The following ZMIZ1 variants were observed in gnomAD, a reference collection of about 807,000 sequenced individuals.
The protein encoded by ZMIZ1 is zinc finger MIZ-type containing 1.
A neutral mutation model predicts 113.9 loss-of-function variants in ZMIZ1; 17 were observed. The observed-to-expected ratio is 0.15, with a 90% CI of 0.10 to 0.22. The LOEUF is 0.22. Ranked by LOEUF, ZMIZ1 falls within the 10% of genes least tolerant of loss-of-function variation. The probability of loss-of-function intolerance (pLI) is 1.00; values close to 1 mark genes in which losing one functional copy is unlikely to be tolerated. For missense variants in ZMIZ1, 1,059 were observed against 1,477.8 expected (o/e 0.72, Z 4.65); for synonymous variants, 607 against 603.1 (o/e 1.01, Z -0.09).
chr10:79,195,712 G>A (rs1847805112), intron 4 of ZMIZ1, among the ~76,000 whole-genome samples: 1 of 152,208 alleles, frequency 6.6e-6, no homozygotes, highest in African/African-American at 2.4e-5. Context: ...CAGGTTGGGT[G>A]GAACAAGAAG....
chr10:79,162,322 C>G (rs1156643817), intron 4 of ZMIZ1, among the ~76,000 whole-genome samples, 189 bp downstream of exon 4: 6 of 152,326 alleles, frequency 3.9e-5, no homozygotes, highest in Admixed American at 2.0e-4. Context: ...TACCTGGCAC[C>G]CAGGGACCTC....
At chr10:79,216,821 A>T (rs1372653163) in intron 7 of ZMIZ1, among the ~76,000 whole-genome samples, 1 of 152,336 alleles carries the variant, frequency 6.6e-6, no homozygotes. Context: ...GAATCAGTAC[A>T]CTCAGGGTTC....
At chr10:79,292,682 T>C (rs1417000250) in intron 11 of ZMIZ1, 14 of 482,892 alleles carry the variant, frequency 2.9e-5, no homozygotes, top group South Asian at 2.2e-4. Flanking sequence ...CACCAAGGAG[T>C]GGGCTCAATG....
At chr10:79,219,991 G>A (rs895917162) in intron 7 of ZMIZ1, among the ~76,000 whole-genome samples, 4 of 152,150 alleles carry the variant, frequency 2.6e-5, no homozygotes, top group Admixed American at 1.3e-4. Context: ...TCTACCTGGC[G>A]GTTTTATTTG....
At chr10:79,233,301 T>C (rs1192628043) in intron 7 of ZMIZ1, among the ~76,000 whole-genome samples, 2 of 152,248 alleles carry the variant, frequency 1.3e-5, no homozygotes, top group South Asian at 2.1e-4. Context: ...CAGGCTGTTA[T>C]AGCAAAATAC....
chr10:79,268,455 A>T (rs1195870101), intron 7 of ZMIZ1, among the ~76,000 whole-genome samples: 2 of 152,164 alleles, frequency 1.3e-5, no homozygotes, highest in Non-Finnish European at 2.9e-5. Flanking sequence ...CTGGTCACAG[A>T]TGCTGCTCCA....
intron 8 of ZMIZ1, among the ~76,000 whole-genome samples, chr10:79,278,423 A>G (rs991546318): frequency 2.0e-5 from 3 of 150,424 alleles, no homozygotes; most frequent in Non-Finnish European, 3.0e-5. Context: ...TATTATTATT[A>G]TTTTAATTCT....
intron 1 of ZMIZ1, among the ~76,000 whole-genome samples, chr10:79,092,473 G>A (rs546777921): frequency 9.8e-5 from 15 of 152,364 alleles, no homozygotes; most frequent in Admixed American, 2.0e-4. Context: ...CTCGCTGCAC[G>A]CAGTGTGGCT....
intron 2 of ZMIZ1, among the ~76,000 whole-genome samples, chr10:79,134,574 C>T (rs1473500105): frequency 6.6e-6 from 1 of 152,214 alleles, no homozygotes; most frequent in Non-Finnish European, 1.5e-5. Context: ...CTGGGCTTTG[C>T]CCCACGGCAC....
chr10:79,229,927 A>G (rs529946294), intron 7 of ZMIZ1, among the ~76,000 whole-genome samples: 4 of 152,274 alleles, frequency 2.6e-5, no homozygotes, highest in Admixed American at 2.6e-4. Context: ...TTGACTTACA[A>G]CAGCCCGCAA....
chr10:79,251,505 A>T (rs1850554437), intron 7 of ZMIZ1, among the ~76,000 whole-genome samples: 1 of 151,778 alleles, frequency 6.6e-6, no homozygotes, highest in African/African-American at 2.4e-5. Context: ...AGCCCAGCCT[A>T]TCCAGACACT....
chr10:79,208,564 G>A lies in ZMIZ1; in HGVS notation c.174+115G>A, dbSNP rs1564526301. 12 of 850,684 alleles carry A rather than the reference G, an allele frequency of 1.4e-5. 1 individual carries two copies. Among genetic ancestry groups the A allele is most frequent in the Non-Finnish European group, 2.2e-5 (12 of 547,990 alleles). 52.7% of individuals were successfully genotyped at this position (850,684 alleles called of 1,614,324 possible). On this transcript the variant is annotated intron_variant, in intron 6 of 24. Transcript: ENST00000334512. ...ACATTGGGAGGTGACACCAGTGAGA[G>A]AGCTGGGAAGACACTGGTGCTGGGG...
intron 7 of ZMIZ1, among the ~76,000 whole-genome samples, chr10:79,258,493 G>A (rs1278323488): frequency 6.6e-6 from 1 of 152,264 alleles, no homozygotes; most frequent in Non-Finnish European, 1.5e-5. Context: ...TGTGGCCCCT[G>A]CCTCCTGTTT....
At chr10:79,084,176 A>G (rs1842738680) in intron 1 of ZMIZ1, among the ~76,000 whole-genome samples, 1 of 152,220 alleles carries the variant, frequency 6.6e-6, no homozygotes, top group Non-Finnish European at 1.5e-5. Flanking sequence ...TTAAGAGCCC[A>G]GCTCAAAAGC....
At position 79,267,088 on chromosome 10, in the gene ZMIZ1, G is replaced by A. The variant is rs111556840; in HGVS notation, c.281-10093G>A. Among the ~76,000 whole-genome samples the A allele has an allele frequency of 3.3e-3, 496 of 152,348 alleles. 1 individual carries two copies. Among genetic ancestry groups the A allele is most frequent in the African/African-American group, 0.012 (480 of 41,582 alleles). On this transcript the variant is annotated intron_variant, in intron 7 of 24. Transcript: ENST00000334512. ...ACCCACACACTCCAGAGGAGGAAGG[G>A]GTCTGCCTAGACCAGCCTCCTGGCA...
intron 7 of ZMIZ1, among the ~76,000 whole-genome samples, chr10:79,223,500 G>T (rs1453691074): frequency 6.6e-6 from 1 of 152,238 alleles, no homozygotes; most frequent in East Asian, 1.9e-4. Context: ...CCGGTCAGGT[G>T]CCCCTACAAG....
chr10:79,202,699 C>T (rs1848153788), intron 5 of ZMIZ1, among the ~76,000 whole-genome samples: 1 of 152,240 alleles, frequency 6.6e-6, no homozygotes, highest in Non-Finnish European at 1.5e-5. Context: ...CAGGGGCGCC[C>T]CCAAGCGGTG....
chr10:79,227,109 A>G (rs1849228088), intron 7 of ZMIZ1, among the ~76,000 whole-genome samples: 1 of 152,242 alleles, frequency 6.6e-6, no homozygotes, highest in Non-Finnish European at 1.5e-5. Context: ...TGATTCAAAC[A>G]AGAACATTCA....
In ZMIZ1 at chr10:79,313,725, G is replaced by C; in HGVS notation, c.*976G>C. The C allele has an allele frequency of 3.4e-6, 1 of 295,730 alleles. No homozygotes were observed. Among genetic ancestry groups the C allele is most frequent in the South Asian group, 3.1e-5 (1 of 32,670 alleles). The allele number at this position is 295,730 out of a possible 1,614,324, so 18.3% of individuals were successfully genotyped here. On this transcript the variant is annotated 3_prime_UTR_variant, in exon 25 of 25. Coordinates refer to ENST00000334512, the MANE Select transcript of ZMIZ1 (RefSeq NM_020338.4). Reference sequence around the variant, plus strand: ...CCTGGAGAAAAGGAACGTTGCTCTTGGACAGCAAGCAAACCATTTCTCTCC... The same window carrying C: ...CCTGGAGAAAAGGAACGTTGCTCTTCGACAGCAAGCAAACCATTTCTCTCC...
Sources: allele counts gnomAD v4.1 joint callset (sites outside exome capture counted in the v4.1 genomes callset), GRCh38; gene constraint gnomAD v4.1.1; transcripts MANE v1.5; gene names NCBI Gene and HGNC (gene_info 2026-07-23, HGNC 2026-07-21).